The following CCDC60 variants were observed in gnomAD, a reference collection of about 807,000 sequenced individuals.
CCDC60 encodes coiled-coil domain containing 60, also known as coiled-coil domain-containing protein 60.
CCDC60 carries 54 observed loss-of-function variants against 63.5 expected under a neutral mutation model. That is an observed-to-expected ratio of 0.85 (90% CI 0.68 to 1.07). The LOEUF is 1.07. Ranked by LOEUF, CCDC60 falls within the 50% of genes least tolerant of loss-of-function variation. The pLI, the probability that CCDC60 is intolerant of heterozygous loss-of-function variation, is 0.00. For missense variants in CCDC60, 651 were observed against 684.3 expected (o/e 0.95, Z 0.54); for synonymous variants, 206 against 238.8 (o/e 0.86, Z 1.27).
In CCDC60 at chr12:119,516,066, G is replaced by A. The variant is rs180763640; in HGVS notation, c.884-557G>A. On this transcript the variant is annotated intron_variant, in intron 7 of 13. Coordinates refer to ENST00000327554, the MANE Select transcript of CCDC60 (RefSeq NM_178499.5). ...TGGATCCTGGCAGGCCTCACAGGCT[G>A]TGTTGAAAGAATTTATTTATGTTTT... 1.5e-3 allele frequency among the ~76,000 whole-genome samples: 232 copies of A among 152,148 alleles called. 1 individual carries two copies. The highest frequency in any genetic ancestry group is 2.7e-3 in the Non-Finnish European group (182 of 67,972).
intron 1 of CCDC60, among the ~76,000 whole-genome samples, chr12:119,377,215 A>G (rs1231130800): frequency 2.1e-5 from 3 of 143,346 alleles, no homozygotes; most frequent in African/African-American, 7.7e-5. Flanking sequence ...AGATCGTGCA[A>G]CTGCACTCCT....
intron 6 of CCDC60, among the ~76,000 whole-genome samples, chr12:119,504,069 A>G (rs1316909062): frequency 2.0e-5 from 3 of 152,174 alleles, no homozygotes; most frequent in African/African-American, 4.8e-5. Context: ...GGCATTTTAG[A>G]TGTCATAAAG....
intron 1 of CCDC60, among the ~76,000 whole-genome samples, chr12:119,403,463 C>A (rs1351247793): frequency 6.6e-6 from 1 of 152,100 alleles, no homozygotes; most frequent in Admixed American, 6.5e-5. Context: ...CTTTAATCAC[C>A]AAGTTGCAGA....
chr12:119,343,478 A>G (rs945033200), intron 1 of CCDC60, among the ~76,000 whole-genome samples: 7 of 152,048 alleles, frequency 4.6e-5, no homozygotes, highest in African/African-American at 1.7e-4. Context: ...AGCCTGGTAC[A>G]TGATCAGGGT....
At position 119,506,834 on chromosome 12, in the gene CCDC60, G is replaced by T. The variant is rs1400638183; in HGVS notation, c.883+1531G>T. On this transcript the variant is annotated intron_variant, in intron 7 of 13. Transcript: ENST00000327554. Reference sequence around the variant, plus strand: ...AAACATTCATTTTCAGAACTTTCTGGCTTGAGCTTGTATAGTAAAAGGAGA... The same window carrying T: ...AAACATTCATTTTCAGAACTTTCTGTCTTGAGCTTGTATAGTAAAAGGAGA... Among the ~76,000 whole-genome samples, 2 of 152,074 alleles carry T rather than the reference G, an allele frequency of 1.3e-5. 1 individual carries two copies. The highest frequency in any genetic ancestry group is 2.9e-5 in the Non-Finnish European group (2 of 68,016).
rs1566035278 is a variant in CCDC60 at position 119,484,391 on chromosome 12, TC to T, written c.450-4367del. On this transcript the variant is annotated intron_variant, in intron 4 of 13. Coordinates refer to ENST00000327554, the MANE Select transcript of CCDC60 (RefSeq NM_178499.5). Reference sequence around the variant, plus strand: ...CTGTTGTTGTTGTTTTTGTTACTACTCTTTATTATCTCAATGGTTCTGTGTA... The same window carrying T: ...CTGTTGTTGTTGTTTTTGTTACTACTTTTATTATCTCAATGGTTCTGTGTA... Among the ~76,000 whole-genome samples the T allele has an allele frequency of 1.3e-5, 2 of 152,172 alleles. 1 individual carries two copies. Among genetic ancestry groups the T allele is most frequent in the Non-Finnish European group, 2.9e-5 (2 of 68,030 alleles).
At chr12:119,419,996 C>G (rs1406118955) in intron 1 of CCDC60, among the ~76,000 whole-genome samples, 1 of 151,582 alleles carries the variant, frequency 6.6e-6, no homozygotes, top group Non-Finnish European at 1.5e-5. Context: ...CCTGCCTCAG[C>G]CTCCCGAGTA....
At chr12:119,507,590 ACATATATATATATATATATATATATTT>A (rs1566050606) in intron 7 of CCDC60, among the ~76,000 whole-genome samples, 2 of 25,542 alleles carry the variant, frequency 7.8e-5, no homozygotes, top group African/African-American at 6.1e-4. Context: ...ACATATATAT[ACATATATATATATATATATATATATTT>A]TTTTTTTTTT....
At position 119,380,425 on chromosome 12, in the gene CCDC60, G is replaced by A. The variant is rs552283968; in HGVS notation, c.90+45159G>A. Reference sequence around the variant, plus strand: ...AGCAGATTGTTAAGCATTTGCCAGCGTTTGGTGGGAAATGAATATCAAGAA... The same window carrying A: ...AGCAGATTGTTAAGCATTTGCCAGCATTTGGTGGGAAATGAATATCAAGAA... On this transcript the variant is annotated intron_variant, in intron 1 of 13. Coordinates refer to ENST00000327554, the MANE Select transcript of CCDC60 (RefSeq NM_178499.5). 9.2e-5 allele frequency among the ~76,000 whole-genome samples: 14 copies of A among 152,286 alleles called. No individual in the cohort carries two copies. In the East Asian group the frequency reaches 2.3e-3, roughly 25 times the overall value.
At chr12:119,477,909 C>G (rs1216987634) in intron 3 of CCDC60, among the ~76,000 whole-genome samples, 4 of 152,024 alleles carry the variant, frequency 2.6e-5, no homozygotes, top group Non-Finnish European at 5.9e-5. Flanking sequence ...CACACGCACA[C>G]ACACACACAC....
At chr12:119,382,887 A>C (rs1319125492) in intron 1 of CCDC60, among the ~76,000 whole-genome samples, 1 of 152,142 alleles carries the variant, frequency 6.6e-6, no homozygotes, top group African/African-American at 2.4e-5. Flanking sequence ...ACAAAGCTTT[A>C]CTTCTCTCCT....
intron 2 of CCDC60, among the ~76,000 whole-genome samples, chr12:119,466,330 G>C (rs1270896940): frequency 6.6e-6 from 1 of 152,174 alleles, no homozygotes; most frequent in Non-Finnish European, 1.5e-5. Flanking sequence ...GAACTCTACA[G>C]CTATTTTGTT....
At chr12:119,500,257 A>AT (rs924057810) in intron 6 of CCDC60, 89 bp downstream of exon 6, 287 of 884,480 alleles carry the variant, frequency 3.2e-4, no homozygotes, top group Middle Eastern at 6.5e-4. Flanking sequence ...TCTGATGGGA[A>AT]TTTTTTTTTC....
chr12:119,483,459 T>A (rs1177894235), intron 4 of CCDC60, among the ~76,000 whole-genome samples: 1 of 152,210 alleles, frequency 6.6e-6, no homozygotes, highest in Non-Finnish European at 1.5e-5. Context: ...TCTCTAGGAA[T>A]GAGAAGCAGC....
chr12:119,437,686 G>A (rs1487669758), intron 2 of CCDC60, among the ~76,000 whole-genome samples: 4 of 152,142 alleles, frequency 2.6e-5, no homozygotes, highest in South Asian at 2.1e-4. Flanking sequence ...CTCAGGATGC[G>A]CACATCCATA....
Position 119,335,098 on chromosome 12 carries a change from A to T in CCDC60, c.-79A>T. 5.1e-6 allele frequency: 6 copies of T among 1,166,208 alleles called. No individual in the cohort carries two copies. Among genetic ancestry groups the T allele is most frequent in the Non-Finnish European group, 7.4e-6 (6 of 810,646 alleles). The allele number at this position is 1,166,208 out of a possible 1,614,324, so 72.2% of individuals were successfully genotyped here. A position where few individuals can be genotyped will look rare whatever the true frequency, so the allele number is the denominator to read the frequency against. ...GGGAGAAGTTGCCGAAACTTCTCAT[A>T]CCAGTAACTACTGAAGTAGAAGATT... On this transcript the variant is annotated 5_prime_UTR_variant, in exon 1 of 14. Transcript: ENST00000327554.
intron 6 of CCDC60, among the ~76,000 whole-genome samples, chr12:119,503,258 T>C (rs1301461066): frequency 6.6e-6 from 1 of 152,190 alleles, no homozygotes; most frequent in East Asian, 1.9e-4. Context: ...CTAGATAAAA[T>C]GGAAAGAGGC....
chr12:119,490,294 A>G (rs1210817272), intron 5 of CCDC60, among the ~76,000 whole-genome samples: 1 of 152,188 alleles, frequency 6.6e-6, no homozygotes, highest in Non-Finnish European at 1.5e-5. Flanking sequence ...TTTTAAAACT[A>G]CAGTCTCTTT....
intron 1 of CCDC60, among the ~76,000 whole-genome samples, chr12:119,345,239 C>T (rs1018516876): frequency 6.6e-6 from 1 of 152,310 alleles, no homozygotes; most frequent in East Asian, 1.9e-4. Context: ...CACGGTGGCT[C>T]ATGCCCGTAA....
Sources: allele counts gnomAD v4.1 joint callset (sites outside exome capture counted in the v4.1 genomes callset), GRCh38; gene constraint gnomAD v4.1.1; transcripts MANE v1.5; gene names NCBI Gene and HGNC (gene_info 2026-07-23, HGNC 2026-07-21).